SOS2: variants seen among roughly 807,000 people sequenced by gnomAD.
SOS2 encodes son of sevenless homolog 2.
SOS2 carries 65 observed loss-of-function variants against 148.2 expected under a neutral mutation model. That is an observed-to-expected ratio of 0.44 (90% CI 0.36 to 0.54). The LOEUF (loss-of-function observed/expected upper bound fraction) is 0.54. Among genes scored for constraint, SOS2 ranks in the 20% least tolerant of loss-of-function variants. SOS2 has a pLI of 0.00. For missense variants in SOS2, 1,341 were observed against 1,590.2 expected (o/e 0.84, Z 2.67); for synonymous variants, 539 against 537.1 (o/e 1.00, Z -0.05).
intron 7 of SOS2, among the ~76,000 whole-genome samples, chr14:50,178,403 G>A (rs896656664): frequency 6.6e-6 from 1 of 152,090 alleles, no homozygotes; most frequent in Non-Finnish European, 1.5e-5. Flanking sequence ...TTCCTGTAGA[G>A]CCTGTGGAAC....
At chr14:50,150,897 G>A (rs1333214498) in intron 13 of SOS2, among the ~76,000 whole-genome samples, 1 of 152,066 alleles carries the variant, frequency 6.6e-6, no homozygotes, top group Non-Finnish European at 1.5e-5. Context: ...TAATTTTGTT[G>A]TATTTTTAGT....
At chr14:50,137,085 C>A (rs1461836591) in intron 18 of SOS2, among the ~76,000 whole-genome samples, 1 of 152,130 alleles carries the variant, frequency 6.6e-6, no homozygotes, top group Non-Finnish European at 1.5e-5. Flanking sequence ...TAATATGACA[C>A]GTAAACTTAT....
intron 16 of SOS2, among the ~76,000 whole-genome samples, chr14:50,140,786 G>A (rs1034580551): frequency 1.3e-5 from 2 of 151,964 alleles, no homozygotes; most frequent in Admixed American, 1.3e-4. Context: ...CTGCCCATGA[G>A]GAAACTCCAA....
intron 1 of SOS2, among the ~76,000 whole-genome samples, chr14:50,209,273 T>TCGTGTGTGTG (rs1886780054): frequency 1.6e-5 from 1 of 63,484 alleles, no homozygotes; most frequent in Non-Finnish European, 4.3e-5. Flanking sequence ...TCCTTAAATG[T>TCGTGTGTGTG]CGTGTGTGTG....
At chr14:50,180,158 C>A (rs1885683843) in intron 7 of SOS2, among the ~76,000 whole-genome samples, 2 of 151,506 alleles carry the variant, frequency 1.3e-5, no homozygotes, top group South Asian at 4.2e-4. Context: ...AGCTCACCAC[C>A]ACGCCCAGCT....
chr14:50,223,169 C>T (rs546331640), intron 1 of SOS2, among the ~76,000 whole-genome samples: 1 of 152,092 alleles, frequency 6.6e-6, no homozygotes, highest in Non-Finnish European at 1.5e-5. Context: ...ATATGTTAAC[C>T]ACTACAAAAG....
intron 18 of SOS2, among the ~76,000 whole-genome samples, chr14:50,136,752 G>C (rs1180346862): frequency 3.9e-5 from 6 of 152,008 alleles, no homozygotes; most frequent in Admixed American, 2.0e-4. Flanking sequence ...ACCACACCCA[G>C]CGAATTTTTG....
chr14:50,219,626 TA>T (rs1426107986), intron 1 of SOS2, among the ~76,000 whole-genome samples: 2 of 152,206 alleles, frequency 1.3e-5, no homozygotes, highest in Non-Finnish European at 2.9e-5. Context: ...TGTGTATATA[TA>T]ACTTATCACA....
intron 8 of SOS2, among the ~76,000 whole-genome samples, chr14:50,166,059 G>C (rs745418243): frequency 1.3e-5 from 2 of 152,166 alleles, no homozygotes; most frequent in African/African-American, 2.4e-5. Flanking sequence ...GATGACCACT[G>C]AGTTGAAAGG....
At chr14:50,214,881 G>A (rs1381702368) in intron 1 of SOS2, among the ~76,000 whole-genome samples, 2 of 150,396 alleles carry the variant, frequency 1.3e-5, no homozygotes, top group African/African-American at 4.9e-5. Context: ...TGTCCCCCAG[G>A]ATGGAGTGCA....
At chr14:50,157,357 G>C (rs1884853478) in intron 11 of SOS2, among the ~76,000 whole-genome samples, 1 of 152,012 alleles carries the variant, frequency 6.6e-6, no homozygotes, top group Non-Finnish European at 1.5e-5. Flanking sequence ...ATACAGAAAA[G>C]GTCCAGGGAA....
At chr14:50,201,214 T>C (rs948499186) in intron 2 of SOS2, 130 bp from the exon 3 acceptor site, 21 of 849,488 alleles carry the variant, frequency 2.5e-5, no homozygotes, top group Non-Finnish European at 3.4e-5. Flanking sequence ...TTCTGATTCC[T>C]GTAATAAATA....
intron 13 of SOS2, among the ~76,000 whole-genome samples, chr14:50,151,773 T>C (rs1594974935): frequency 6.6e-6 from 1 of 152,198 alleles, no homozygotes; most frequent in Admixed American, 6.5e-5. Flanking sequence ...CCCAGGCTTG[T>C]GTGCAGTGTT....
At chr14:50,125,198 C>T (rs553543241) in intron 21 of SOS2, among the ~76,000 whole-genome samples, 25 of 152,326 alleles carry the variant, frequency 1.6e-4, no homozygotes, top group African/African-American at 5.3e-4. Context: ...AAGAAACATA[C>T]CGCGAGAAGA....
chr14:50,143,207 C>T (rs986722220), intron 16 of SOS2, among the ~76,000 whole-genome samples: 6 of 151,548 alleles, frequency 4.0e-5, no homozygotes, highest in African/African-American at 1.2e-4. Flanking sequence ...TGCCTGTAAT[C>T]GCAGCTACTC....
At chr14:50,210,627 G>A (rs1274844026) in intron 1 of SOS2, among the ~76,000 whole-genome samples, 1 of 151,886 alleles carries the variant, frequency 6.6e-6, no homozygotes, top group Non-Finnish European at 1.5e-5. Context: ...GAAGATATAT[G>A]TAGTACATGT....
At chr14:50,210,086 A>G (rs7140256) in intron 1 of SOS2, among the ~76,000 whole-genome samples, 139,052 of 152,258 alleles carry the variant, frequency 0.91, 63,655 homozygotes, top group African/African-American at 0.96. Context: ...TAAAATTACT[A>G]ACAACAAAGT....
At position 50,180,592 on chromosome 14, in the gene SOS2, C is replaced by A; in HGVS notation, c.949G>T (p.Ala317Ser). The change falls in exon 7 of 23, where the codon GCA (alanine) becomes TCA (serine). Residue 317 changes from alanine to serine, a missense_variant. By Grantham distance (99) the Ala-to-Ser change is moderately conservative. Around this residue, in one of 4 missense-constraint regions of SOS2, gnomAD observed 574 missense variants for 711.1 expected, o/e 0.81. Transcript: ENST00000216373. Reference sequence around the variant, plus strand: ...TTTACCTGAAAGTGTAGAGCAACTGCAGGTCTGGCCATCAATTTATTGAAA... The same window carrying A: ...TTTACCTGAAAGTGTAGAGCAACTGAAGGTCTGGCCATCAATTTATTGAAA... Reference protein sequence around the residue: ...EHFNKLMARPAVALHFQSIAD... With the variant: ...EHFNKLMARPSVALHFQSIAD... 1 of 1,534,368 alleles carries A rather than the reference C, an allele frequency of 6.5e-7. No individual in the cohort carries two copies. The highest frequency in any genetic ancestry group is 2.3e-5 in the East Asian group (1 of 42,894).
At chr14:50,196,595 T>A (rs1267729653) in intron 4 of SOS2, among the ~76,000 whole-genome samples, 1 of 152,132 alleles carries the variant, frequency 6.6e-6, no homozygotes, top group Non-Finnish European at 1.5e-5. Context: ...CTTGTAACCA[T>A]CATTCTACTA....
Sources: allele counts gnomAD v4.1 joint callset (sites outside exome capture counted in the v4.1 genomes callset), GRCh38; gene constraint gnomAD v4.1.1; regional missense constraint gnomAD v4.1.1; transcripts MANE v1.5; gene names NCBI Gene and HGNC (gene_info 2026-07-23, HGNC 2026-07-21).